Variants in IGSF21 observed in about 807,000 individuals in gnomAD.
IGSF21 encodes immunoglobulin superfamily member 21.
IGSF21 carries 28 observed loss-of-function variants against 46.8 expected under a neutral mutation model. The ratio of observed to expected loss-of-function variants is 0.60; its 90% CI spans 0.44 to 0.82. The LOEUF (loss-of-function observed/expected upper bound fraction) is 0.82, where lower values mean the gene tolerates loss of function less well. IGSF21 is among the 40% of genes least tolerant of loss of function. The probability of loss-of-function intolerance (pLI) is 0.00; values close to 1 mark genes in which losing one functional copy is unlikely to be tolerated. For missense variants in IGSF21, 624 were observed against 665.5 expected (o/e 0.94, Z 0.69); for synonymous variants, 284 against 273.6 (o/e 1.04, Z -0.38).
intron 2 of IGSF21, among the ~76,000 whole-genome samples, chr1:18,243,086 A>G (rs1284094824): frequency 1.3e-5 from 2 of 152,214 alleles, no homozygotes; most frequent in East Asian, 1.9e-4. Flanking sequence ...GACCTATGCC[A>G]AGTCTGGGGT....
intron 2 of IGSF21, among the ~76,000 whole-genome samples, chr1:18,231,612 A>C (rs1410425403): frequency 6.6e-6 from 1 of 152,212 alleles, no homozygotes; most frequent in African/African-American, 2.4e-5. Context: ...CATTTAAATT[A>C]AATCAAATTA....
intron 4 of IGSF21, among the ~76,000 whole-genome samples, chr1:18,336,946 G>A (rs145177993): frequency 6.6e-6 from 1 of 152,296 alleles, no homozygotes; most frequent in East Asian, 1.9e-4. Context: ...CAGATCTTGT[G>A]AGACTTATTC....
intron 1 of IGSF21, among the ~76,000 whole-genome samples, chr1:18,172,047 G>T (rs2086742142): frequency 6.6e-6 from 1 of 152,216 alleles, no homozygotes; most frequent in Non-Finnish European, 1.5e-5. Flanking sequence ...TGGAACCACA[G>T]CAGCCACCTT....
At chr1:18,275,131 T>TA (rs1557619652) in intron 2 of IGSF21, among the ~76,000 whole-genome samples, 1 of 152,170 alleles carries the variant, frequency 6.6e-6, no homozygotes. Flanking sequence ...AATTTCAAAT[T>TA]TCAGAAGCAG....
At chr1:18,197,124 C>A (rs1012957517) in intron 1 of IGSF21, among the ~76,000 whole-genome samples, 1 of 152,234 alleles carries the variant, frequency 6.6e-6, no homozygotes, top group African/African-American at 2.4e-5. Flanking sequence ...GTGCTCAGAG[C>A]ATACAAATCA....
Position 18,108,119 on chromosome 1 carries a change from C to T in IGSF21, c.-10C>T, listed in dbSNP as rs2086108595. On this transcript the variant is annotated 5_prime_UTR_variant, in exon 1 of 10. Transcript: ENST00000251296. Reference sequence around the variant, plus strand: ...CGCCGCCCCGCCACCGCCGCCAGCTCCCGGGCACCATGCGAACCGCCCCGA... The same window carrying T: ...CGCCGCCCCGCCACCGCCGCCAGCTTCCGGGCACCATGCGAACCGCCCCGA... 4.4e-6 allele frequency: 6 copies of T among 1,359,628 alleles called. No homozygotes were observed. The highest frequency in any genetic ancestry group is 2.6e-4 in the Middle Eastern group (1 of 3,792). 84.2% of individuals were successfully genotyped at this position (1,359,628 alleles called of 1,614,324 possible). A position where few individuals can be genotyped will look rare whatever the true frequency, so the allele number is the denominator to read the frequency against.
intron 2 of IGSF21, among the ~76,000 whole-genome samples, chr1:18,237,133 G>T (rs2084680608): frequency 6.6e-6 from 1 of 152,176 alleles, no homozygotes; most frequent in Non-Finnish European, 1.5e-5. Context: ...CTTTCAATCT[G>T]GGACTGGTGG....
chr1:18,108,511 C>CGTGT (rs375501548), intron 1 of IGSF21, among the ~76,000 whole-genome samples: 7 of 149,388 alleles, frequency 4.7e-5, no homozygotes, highest in South Asian at 2.2e-4. Flanking sequence ...TGTGTGTGTG[C>CGTGT]GTGTGTGTGT....
At position 18,319,793 on chromosome 1, in the gene IGSF21, G is replaced by A. The variant is rs117964766; in HGVS notation, c.306-15099G>A. The stretch of plus-strand genomic sequence containing the variant: ...GCAATTTCAAATTTTAAATAGAAGC[G>A]CCCCCTCCACTCCCAGCACTCCCTA... On this transcript the variant is annotated intron_variant, in intron 3 of 9. Transcript: ENST00000251296. 1.2e-3 allele frequency among the ~76,000 whole-genome samples: 179 copies of A among 152,130 alleles called. No homozygotes were observed. In the East Asian group the frequency reaches 0.021, roughly 18 times the overall value.
At chr1:18,344,655 A>G (rs1372782740) in intron 4 of IGSF21, among the ~76,000 whole-genome samples, 5 of 152,116 alleles carry the variant, frequency 3.3e-5, no homozygotes, top group South Asian at 2.1e-4. Context: ...CCGCCATACA[A>G]TGGTGTGTAT....
intron 1 of IGSF21, among the ~76,000 whole-genome samples, chr1:18,182,738 C>T (rs539827614): frequency 6.6e-6 from 1 of 152,226 alleles, no homozygotes; most frequent in Non-Finnish European, 1.5e-5. Flanking sequence ...TAGCATGCTG[C>T]CCTCTGAGCA....
intron 1 of IGSF21, chr1:18,115,851 A>AAGGAAGAAAG (rs1241512954): frequency 1.1e-5 from 1 of 87,664 alleles, no homozygotes; most frequent in African/African-American, 4.2e-5. Context: ...GGAAGAAAGA[A>AAGGAAGAAAG]AGAAAGAAAG....
chr1:18,117,466 T>C (rs1424015206), intron 1 of IGSF21, among the ~76,000 whole-genome samples: 1 of 152,210 alleles, frequency 6.6e-6, no homozygotes, highest in Non-Finnish European at 1.5e-5. Flanking sequence ...CTTGTCCAAT[T>C]TGTGGACTCA....
chr1:18,172,082 G>A (rs972239168), intron 1 of IGSF21, among the ~76,000 whole-genome samples: 1 of 152,222 alleles, frequency 6.6e-6, no homozygotes, highest in African/African-American at 2.4e-5. Context: ...AGGCTGAGGA[G>A]GGCAGGAAAG....
chr1:18,147,342 T>C (rs1358434128), intron 1 of IGSF21, among the ~76,000 whole-genome samples: 1 of 152,078 alleles, frequency 6.6e-6, no homozygotes, highest in East Asian at 1.9e-4. Flanking sequence ...CTCCCACCAC[T>C]CTGGCCCGCT....
At chr1:18,263,954 T>C (rs928774621) in intron 2 of IGSF21, among the ~76,000 whole-genome samples, 27 of 152,216 alleles carry the variant, frequency 1.8e-4, no homozygotes, top group African/African-American at 6.3e-4. Context: ...AGGAACAGTT[T>C]ACAATTGCCT....
chr1:18,175,866 G>T (rs1182756424), intron 1 of IGSF21, among the ~76,000 whole-genome samples: 1 of 152,222 alleles, frequency 6.6e-6, no homozygotes, highest in Non-Finnish European at 1.5e-5. Context: ...TAAAATAATT[G>T]TACTAATATT....
At chr1:18,281,488 C>T (rs186642878) in intron 2 of IGSF21, among the ~76,000 whole-genome samples, 167 of 151,594 alleles carry the variant, frequency 1.1e-3, no homozygotes, top group African/African-American at 3.9e-3. Flanking sequence ...ATTGCTTGAA[C>T]TCAGGAGACG....
intron 1 of IGSF21, among the ~76,000 whole-genome samples, chr1:18,219,678 G>A (rs1270019282): frequency 6.6e-6 from 1 of 152,168 alleles, no homozygotes; most frequent in Non-Finnish European, 1.5e-5. Flanking sequence ...TCCCTGATTG[G>A]CAAATAGGGG....
Sources: gnomAD v4.1 joint callset for allele counts (sites outside exome capture counted in the v4.1 genomes callset) on GRCh38, gnomAD v4.1.1 for gene constraint, MANE v1.5 for transcripts, NCBI Gene and HGNC (gene_info 2026-07-23, HGNC 2026-07-21) for gene names.